The following LRRC8A variants were observed in gnomAD, a reference collection of about 807,000 sequenced individuals.
LRRC8A encodes volume-regulated anion channel subunit LRRC8A.
LRRC8A carries 24 observed loss-of-function variants against 52.5 expected under a neutral mutation model. The ratio of observed to expected loss-of-function variants is 0.46; its 90% confidence interval spans 0.33 to 0.64. The LOEUF is 0.64. Ranked by LOEUF, LRRC8A falls within the 30% of genes least tolerant of loss-of-function variation. The pLI is 0.02. For missense variants in LRRC8A, 677 were observed against 1,094.7 expected (o/e 0.62, Z 5.38); for synonymous variants, 492 against 494.2 (o/e 1.00, Z 0.06).
intron 2 of LRRC8A, among the ~76,000 whole-genome samples, chr9:128,905,937 C>A (rs1840228986): frequency 6.6e-6 from 1 of 152,152 alleles, no homozygotes; most frequent in African/African-American, 2.4e-5. Context: ...GTTTTTAATT[C>A]CTTTATACAC....
Position 128,907,122 on chromosome 9 carries a change from C to G in LRRC8A, c.-8-35C>G, listed in dbSNP as rs1434097387. The G allele has an allele frequency of 2.9e-5, 44 of 1,541,218 alleles. No homozygotes were observed. The highest frequency in any genetic ancestry group is 3.7e-5 in the Non-Finnish European group (42 of 1,129,742). ...CCTGGTCCTAGGAAAGCCAGGCCACCCTGTGCTAACCCCCCTCCTATGGCT... is the reference window on the plus strand; with the variant it reads ...CCTGGTCCTAGGAAAGCCAGGCCACGCTGTGCTAACCCCCCTCCTATGGCT... On this transcript the variant is annotated intron_variant, in intron 2 of 3. Transcript: ENST00000372600. The surrounding 1 kb of genome is among the most constrained non-coding windows in gnomAD (Gnocchi z 9.3).
chr9:128,886,291 G>C (rs578054214), intron 2 of LRRC8A, among the ~76,000 whole-genome samples, 170 bp downstream of exon 2: 2 of 152,310 alleles, frequency 1.3e-5, no homozygotes, highest in African/African-American at 2.4e-5. Context: ...TCCTTCTCCC[G>C]CTGAGTAATG....
At chr9:128,888,687 C>T (rs960552815) in intron 2 of LRRC8A, among the ~76,000 whole-genome samples, 1 of 152,062 alleles carries the variant, frequency 6.6e-6, no homozygotes, top group African/African-American at 2.4e-5. Context: ...TGCGGGGCTG[C>T]GAGAGCGTCT....
At chr9:128,885,757 A>C (rs558178412) in intron 1 of LRRC8A, among the ~76,000 whole-genome samples, 13 of 152,242 alleles carry the variant, frequency 8.5e-5, no homozygotes, top group African/African-American at 3.1e-4. Flanking sequence ...AAAATACAAA[A>C]AATTAGCCAG....
In LRRC8A at chr9:128,899,838, G is replaced by C. The variant is rs146597950; in HGVS notation, c.-8-7319G>C. Among the ~76,000 whole-genome samples, 1,134 of 152,274 alleles carry C rather than the reference G, an allele frequency of 7.4e-3. 6 individuals are homozygous for C. Among genetic ancestry groups the C allele is most frequent in the Non-Finnish European group, 0.012 (790 of 68,014 alleles). On this transcript the variant is annotated intron_variant, in intron 2 of 3. Transcript: ENST00000372600. This position sits in a 1 kb window ranked among gnomAD's most constrained non-coding sequence, Gnocchi z 4.0. The stretch of plus-strand genomic sequence containing the variant: ...TGGTGATGGTTGCACAACAGTGAAT[G>C]TGCTTCATGCCACTGAACTACACCC...
At chr9:128,894,332 A>C (rs1839739218) in intron 2 of LRRC8A, among the ~76,000 whole-genome samples, 1 of 151,902 alleles carries the variant, frequency 6.6e-6, no homozygotes, top group Non-Finnish European at 1.5e-5. Context: ...AAATACAAAA[A>C]AATTTGCCGG....
chr9:128,890,210 G>A (rs943844073), intron 2 of LRRC8A, among the ~76,000 whole-genome samples: 3 of 148,888 alleles, frequency 2.0e-5, no homozygotes, highest in Non-Finnish European at 3.0e-5. Flanking sequence ...CCTCAAGGAC[G>A]TGTGGGGCTG....
At chr9:128,912,495 G>A (rs1242370160) in intron 3 of LRRC8A, among the ~76,000 whole-genome samples, 2 of 70,774 alleles carry the variant, frequency 2.8e-5, no homozygotes, top group Non-Finnish European at 6.3e-5. Context: ...GAGAGCAGAG[G>A]TGGGGCTATG....
chr9:128,897,245 A>G (rs917488660), intron 2 of LRRC8A, among the ~76,000 whole-genome samples: 1 of 151,892 alleles, frequency 6.6e-6, no homozygotes, highest in African/African-American at 2.4e-5. Flanking sequence ...TCTTTTTGAG[A>G]TGGAGTTTCA....
Position 128,882,143 on chromosome 9 carries a change from G to C in LRRC8A, c.-223G>C, listed in dbSNP as rs1184051903. ...GGGGCGGAGGAGGCTGAGTGGTGCA[G>C]TGAGGGACAAACAAAAGGAGGCGCC... On this transcript the variant is annotated 5_prime_UTR_variant, in exon 1 of 4. Coordinates refer to ENST00000372600, the MANE Select transcript of LRRC8A (RefSeq NM_019594.4). 3.3e-5 allele frequency: 5 copies of C among 152,450 alleles called. No homozygotes were observed. Among genetic ancestry groups the C allele is most frequent in the African/African-American group, 7.2e-5 (3 of 41,466 alleles). 9.4% of individuals were successfully genotyped at this position (152,450 alleles called of 1,614,324 possible).
At chr9:128,886,892 G>C (rs1349118117) in intron 2 of LRRC8A, among the ~76,000 whole-genome samples, 1 of 152,186 alleles carries the variant, frequency 6.6e-6, no homozygotes, top group Non-Finnish European at 1.5e-5. Context: ...CCAGTTTACA[G>C]ATGTGGAAAC....
At chr9:128,893,858 C>T (rs1839718934) in intron 2 of LRRC8A, among the ~76,000 whole-genome samples, 1 of 151,026 alleles carries the variant, frequency 6.6e-6, no homozygotes, top group Non-Finnish European at 1.5e-5. Flanking sequence ...CTTTTCTGTA[C>T]ACAGTAATGA....
chr9:128,897,905 G>C (rs1038189032), intron 2 of LRRC8A, among the ~76,000 whole-genome samples: 2 of 151,508 alleles, frequency 1.3e-5, no homozygotes, highest in African/African-American at 4.9e-5. Context: ...AGAGGGCAGG[G>C]GCAGTGGCTC....
rs1158683099 is a variant in LRRC8A at position 128,892,855 on chromosome 9, C to T, written c.-9+6734C>T. 6.6e-6 allele frequency among the ~76,000 whole-genome samples: 1 copy of T among 152,108 alleles called. No homozygotes were observed. Among genetic ancestry groups the T allele is most frequent in the African/African-American group, 2.4e-5 (1 of 41,420 alleles). ...ATCTCTGGTACAGGAGGGGTGCCAA[C>T]CTCCCGCCTCCCCTCCTGCTTGGGA... On this transcript the variant is annotated intron_variant, in intron 2 of 3. Transcript: ENST00000372600. The surrounding 1 kb of genome is among the most constrained non-coding windows in gnomAD (Gnocchi z 5.2).
rs549899777 is a variant in LRRC8A, at chr9:128,886,046, C to T, written c.-84C>T. The T allele has an allele frequency of 6.6e-6, 1 of 152,510 alleles. No homozygotes were observed. The highest frequency in any genetic ancestry group is 1.9e-4 in the East Asian group (1 of 5,180). The allele number at this position is 152,510 out of a possible 1,614,324, so 9.4% of individuals were successfully genotyped here. On this transcript the variant is annotated 5_prime_UTR_variant, in exon 2 of 4. The change creates a premature stop within an existing upstream ORF in the 5' untranslated region. Transcript: ENST00000372600. The stretch of plus-strand genomic sequence containing the variant: ...AGCGTCCATGGAGCAAAAGGAATGC[C>T]AGGATCCTGCACAGGCAGACGCGGG...
chr9:128,905,392 C>A (rs1336606873), intron 2 of LRRC8A, among the ~76,000 whole-genome samples: 14 of 152,196 alleles, frequency 9.2e-5, no homozygotes, highest in Non-Finnish European at 2.1e-4. Flanking sequence ...GAGCAACCAG[C>A]CTTGGCCGTG....
At chr9:128,888,603 G>C (rs1839486632) in intron 2 of LRRC8A, among the ~76,000 whole-genome samples, 1 of 152,126 alleles carries the variant, frequency 6.6e-6, no homozygotes. Context: ...GTCCAAAGAT[G>C]CTCTCTTTTG....
At chr9:128,887,969 G>A (rs1839462914) in intron 2 of LRRC8A, among the ~76,000 whole-genome samples, 1 of 152,154 alleles carries the variant, frequency 6.6e-6, no homozygotes, top group African/African-American at 2.4e-5. Context: ...CATGCAAGAG[G>A]TAGATAGAGC....
In LRRC8A at chr9:128,907,638, T is replaced by C. The variant is rs1564527026; in HGVS notation, c.474T>C (p.Ser158=). 1.2e-6 allele frequency: 2 copies of C among 1,614,146 alleles called. No homozygotes were observed. Among genetic ancestry groups the C allele is most frequent in the Non-Finnish European group, 1.7e-6 (2 of 1,180,038 alleles). The change falls in exon 3 of 4, where the codon TCT becomes TCC. Residue 158 remains serine (S), a synonymous_variant. Transcript: ENST00000372600. This position sits in a 1 kb window ranked among gnomAD's most constrained non-coding sequence, Gnocchi z 9.3. The part of the protein sequence containing the change: ...RTSSKLEHFV[S]ILLKCFDSPW... ...GCTCGAAGCTGGAGCACTTTGTGTC[T>C]ATCCTGCTGAAGTGCTTCGACTCGC...
Sources: gnomAD v4.1 joint callset for allele counts (sites outside exome capture counted in the v4.1 genomes callset) on GRCh38, gnomAD v4.1.1 for gene constraint, Gnocchi (gnomAD v3.1) non-coding constraint, MANE v1.5 for transcripts, NCBI Gene and HGNC (gene_info 2026-07-23, HGNC 2026-07-21) for gene names.